Variants in BRD10 observed in about 807,000 individuals in gnomAD.
The protein encoded by BRD10 is bromodomain containing 10, also known as uncharacterized bromodomain-containing protein 10.
At chr9:5,920,346 A>G in the BRD10 span, 2 of 1,613,838 alleles carry the variant, frequency 1.2e-6, no homozygotes, top group Non-Finnish European at 1.7e-6. Flanking sequence ...CCAGGTGCCA[A>G]AGGTGTACTG....
chr9:5,911,518 G>A, the BRD10 span, among the ~76,000 whole-genome samples: 1 of 148,118 alleles, frequency 6.8e-6, no homozygotes, highest in African/African-American at 2.5e-5. Context: ...TTTTGCTTAG[G>A]TCCTTTTTCT....
the BRD10 span, among the ~76,000 whole-genome samples, chr9:5,884,425 C>T: frequency 1.3e-5 from 2 of 152,314 alleles, no homozygotes; most frequent in Admixed American, 1.3e-4. Flanking sequence ...GGAGCTCCAG[C>T]CATATGGAAC....
At chr9:5,951,388 G>C in the BRD10 span, among the ~76,000 whole-genome samples, 1 of 151,206 alleles carries the variant, frequency 6.6e-6, no homozygotes, top group Admixed American at 6.6e-5. Flanking sequence ...CATGCTTTCT[G>C]TCAATTTAAA....
the BRD10 span, chr9:5,924,593 C>T: frequency 1.0e-6 from 1 of 975,206 alleles, no homozygotes; most frequent in Non-Finnish European, 1.5e-6. Context: ...CTTTTGCCTT[C>T]ACAGCAAACA....
chr9:5,929,145 A>T, the BRD10 span: 1 of 1,564,804 alleles, frequency 6.4e-7, no homozygotes, highest in South Asian at 1.1e-5. Context: ...CTTGCCTCCG[A>T]TGATACCATT....
At chr9:5,889,478 T>C in the BRD10 span, among the ~76,000 whole-genome samples, 2 of 152,258 alleles carry the variant, frequency 1.3e-5, no homozygotes, top group African/African-American at 4.8e-5. Flanking sequence ...CAATGGTTCC[T>C]ATTTTGATTA....
the BRD10 span, among the ~76,000 whole-genome samples, chr9:5,991,876 C>T: frequency 6.6e-6 from 1 of 152,162 alleles, no homozygotes; most frequent in Non-Finnish European, 1.5e-5. Context: ...TAATTTTCTG[C>T]CATTCTGACC....
chr9:5,954,417 G>T, the BRD10 span, among the ~76,000 whole-genome samples: 2 of 152,124 alleles, frequency 1.3e-5, no homozygotes, highest in African/African-American at 2.4e-5. Context: ...ATCTACATTT[G>T]CAACTTAAGA....
chr9:5,952,247 C>T, the BRD10 span, among the ~76,000 whole-genome samples: 1 of 151,994 alleles, frequency 6.6e-6, no homozygotes, highest in African/African-American at 2.4e-5. Flanking sequence ...TCTCGAACTC[C>T]TGACCTCAGG....
At chr9:5,905,201 C>A in the BRD10 span, among the ~76,000 whole-genome samples, 2 of 152,166 alleles carry the variant, frequency 1.3e-5, no homozygotes, top group African/African-American at 4.8e-5. Context: ...TTAAAATAAT[C>A]CTAATTCCTT....
chr9:5,937,100 C>T, the BRD10 span, among the ~76,000 whole-genome samples: 5 of 151,508 alleles, frequency 3.3e-5, no homozygotes, highest in East Asian at 5.8e-4. Context: ...TGTGGTGGCA[C>T]GTGCCTGTAG....
the BRD10 span, chr9:6,007,534 A>C: frequency 6.2e-7 from 1 of 1,613,092 alleles, no homozygotes; most frequent in Non-Finnish European, 8.5e-7. Context: ...CTCGCCCAGG[A>C]TGCGGTAGCC....
At chr9:5,982,013 C>T in the BRD10 span, among the ~76,000 whole-genome samples, 1 of 151,610 alleles carries the variant, frequency 6.6e-6, no homozygotes, top group African/African-American at 2.4e-5. Context: ...CCACCTGTTC[C>T]CCAAAAACCT....
chr9:5,897,623 T>C, the BRD10 span: 4 of 1,614,128 alleles, frequency 2.5e-6, no homozygotes, highest in Admixed American at 3.3e-5. Context: ...GTTGGTATTG[T>C]AGAAGACGAA....
At chr9:5,900,578 G>C in the BRD10 span, among the ~76,000 whole-genome samples, 1 of 152,092 alleles carries the variant, frequency 6.6e-6, no homozygotes, top group African/African-American at 2.4e-5. Flanking sequence ...CATTAAATAT[G>C]AGCTTTGGGC....
At chr9:5,913,806 T>C in the BRD10 span, 4 of 222,454 alleles carry the variant, frequency 1.8e-5, no homozygotes, top group Non-Finnish European at 3.6e-5. Flanking sequence ...ACAAGGACTA[T>C]TAAAAAGAAA....
the BRD10 span, chr9:5,968,263 G>A: frequency 4.3e-5 from 69 of 1,612,132 alleles, no homozygotes; most frequent in Middle Eastern, 3.3e-4. Flanking sequence ...CAACTTTGTG[G>A]CAGTTAATTT....
At chr9:5,971,290 C>T in the BRD10 span, among the ~76,000 whole-genome samples, 1 of 152,060 alleles carries the variant, frequency 6.6e-6, no homozygotes, top group Non-Finnish European at 1.5e-5. Flanking sequence ...CGTGAAGAAA[C>T]TAGAAACCTC....
chr9:5,905,817 C>G, the BRD10 span, among the ~76,000 whole-genome samples: 8 of 152,136 alleles, frequency 5.3e-5, no homozygotes, highest in Non-Finnish European at 1.2e-4. Context: ...AAATCATAAC[C>G]CAACCACCTC....
Sources: gnomAD v4.1 joint callset for allele counts (sites outside exome capture counted in the v4.1 genomes callset) on GRCh38, gnomAD v4.1.1 for gene constraint, MANE v1.5 for transcripts, NCBI Gene and HGNC (gene_info 2026-07-23, HGNC 2026-07-21) for gene names.